Variants in EYS observed in about 807,000 individuals in gnomAD.
EYS encodes the protein protein eyes shut homolog.
In EYS, 250 loss-of-function variants were observed where a neutral mutation model predicts 282.1. That is an observed-to-expected ratio of 0.89 (90% CI 0.80 to 0.98). The LOEUF is 0.98. EYS is among the 50% of genes least tolerant of loss of function. The pLI, the probability that EYS is intolerant of heterozygous loss-of-function variation, is 0.00. For missense variants in EYS, 4,016 were observed against 3,709.0 expected (o/e 1.08, Z -2.15); for synonymous variants, 1,355 against 1,282.9 (o/e 1.06, Z -1.20).
At chr6:64,822,502 G>T in intron 20 of EYS, 149 bp downstream of exon 20, 2 of 637,052 alleles carry the variant, frequency 3.1e-6, no homozygotes, top group South Asian at 4.7e-5. Context: ...GCTAAAACTG[G>T]CAGCATCTGT....
intron 22 of EYS, among the ~76,000 whole-genome samples, chr6:64,789,982 GTTC>G (rs1393699670): frequency 6.6e-6 from 1 of 151,540 alleles, no homozygotes; most frequent in African/African-American, 2.4e-5. Context: ...CATTAGATTT[GTTC>G]TTTTTTTTAC....
chr6:64,196,928 T>G (rs1765308906), intron 31 of EYS, among the ~76,000 whole-genome samples: 1 of 152,100 alleles, frequency 6.6e-6, no homozygotes, highest in Admixed American at 6.5e-5. Context: ...TTTGAAGTCA[T>G]TAAGAATATT....
At chr6:65,652,388 G>A (rs1767685722) in intron 1 of EYS, among the ~76,000 whole-genome samples, 1 of 151,906 alleles carries the variant, frequency 6.6e-6, no homozygotes, top group Non-Finnish European at 1.5e-5. Flanking sequence ...GAAAAATTGT[G>A]CTGAAGTTAA....
chr6:64,206,518 G>A (rs1312070276), intron 31 of EYS, among the ~76,000 whole-genome samples: 1 of 152,122 alleles, frequency 6.6e-6, no homozygotes, highest in Non-Finnish European at 1.5e-5. Flanking sequence ...GAAATTCTGT[G>A]ACTTTTGTCA....
intron 12 of EYS, among the ~76,000 whole-genome samples, chr6:65,101,881 G>C (rs749823185): frequency 2.0e-5 from 3 of 151,216 alleles, no homozygotes; most frequent in African/African-American, 7.2e-5. Context: ...ATTAGTGCTC[G>C]CTATCCAAAA....
At chr6:64,122,097 A>G (rs1773609983) in intron 31 of EYS, among the ~76,000 whole-genome samples, 1 of 152,074 alleles carries the variant, frequency 6.6e-6, no homozygotes, top group African/African-American at 2.4e-5. Context: ...GCTGTTTTCC[A>G]AATGCTGCAA....
chr6:65,268,734 G>T (rs929708356), intron 12 of EYS, among the ~76,000 whole-genome samples: 2 of 151,824 alleles, frequency 1.3e-5, no homozygotes, highest in African/African-American at 4.8e-5. Flanking sequence ...GTTTTATCTG[G>T]AAAGAAAAAC....
intron 2 of EYS, among the ~76,000 whole-genome samples, chr6:65,610,629 A>G (rs975415916): frequency 2.0e-5 from 3 of 152,084 alleles, no homozygotes; most frequent in Admixed American, 2.0e-4. Flanking sequence ...TCTGTCTCTG[A>G]CAATATTTCA....
At chr6:64,620,320 C>T (rs552440439) in intron 23 of EYS, among the ~76,000 whole-genome samples, 15 of 152,196 alleles carry the variant, frequency 9.9e-5, no homozygotes, top group Non-Finnish European at 2.1e-4. Context: ...AATGCACCTA[C>T]GCACTGAAAT....
chr6:65,501,417 T>C (rs1766445508), intron 2 of EYS, among the ~76,000 whole-genome samples: 1 of 151,954 alleles, frequency 6.6e-6, no homozygotes, highest in Non-Finnish European at 1.5e-5. Flanking sequence ...ACAGAGATAA[T>C]ATATTTTTTC....
At chr6:65,271,155 A>G (rs1392431651) in intron 12 of EYS, among the ~76,000 whole-genome samples, 2 of 20,426 alleles carry the variant, frequency 9.8e-5, no homozygotes, top group Non-Finnish European at 1.2e-4. Context: ...TATATATATG[A>G]AGATTTATTA....
At chr6:63,760,648 A>ATATCTATCTATC (rs36182718) in intron 41 of EYS, among the ~76,000 whole-genome samples, 55 of 146,006 alleles carry the variant, frequency 3.8e-4, no homozygotes, top group East Asian at 1.0e-3. Flanking sequence ...GTATGTATGT[A>ATATCTATCTATC]TATCTATCTA....
intron 35 of EYS, among the ~76,000 whole-genome samples, chr6:63,946,480 T>G (rs1419644706): frequency 2.6e-5 from 4 of 152,170 alleles, no homozygotes; most frequent in Non-Finnish European, 4.4e-5. Flanking sequence ...TAATCATTCT[T>G]TCTGGTAATC....
chr6:64,007,106 T>C (rs1768385406), intron 33 of EYS, among the ~76,000 whole-genome samples: 1 of 152,138 alleles, frequency 6.6e-6, no homozygotes, highest in African/African-American at 2.4e-5. Flanking sequence ...ATATAATTTG[T>C]CTGTGAATCT....
chr6:64,079,060 C>T (rs1263539394), intron 32 of EYS, among the ~76,000 whole-genome samples: 4 of 152,058 alleles, frequency 2.6e-5, no homozygotes, highest in Non-Finnish European at 5.9e-5. Flanking sequence ...GCTAGAAAAT[C>T]ACTTTTCTTT....
At chr6:65,129,995 T>C (rs1775825468) in intron 12 of EYS, among the ~76,000 whole-genome samples, 1 of 151,932 alleles carries the variant, frequency 6.6e-6, no homozygotes, top group Admixed American at 6.6e-5. Flanking sequence ...AAAAAAATCA[T>C]TTCATTTGCA....
chr6:65,127,286 T>C (rs1216579838), intron 12 of EYS, among the ~76,000 whole-genome samples: 1 of 152,114 alleles, frequency 6.6e-6, no homozygotes, highest in Non-Finnish European at 1.5e-5. Flanking sequence ...GGAAGAATAT[T>C]TGAATTTCTA....
intron 22 of EYS, among the ~76,000 whole-genome samples, chr6:64,706,018 CAA>C (rs34675387): frequency 0.69 from 100,525 of 146,606 alleles, 35,098 homozygotes; most frequent in Middle Eastern, 0.78. Flanking sequence ...AAAAATTATT[CAA>C]AAAAAAAAAA....
intron 31 of EYS, among the ~76,000 whole-genome samples, chr6:64,194,759 A>G (rs181914669): frequency 6.6e-6 from 1 of 152,132 alleles, no homozygotes; most frequent in African/African-American, 2.4e-5. Flanking sequence ...TTGCTTATTA[A>G]TTTTACTATT....
Sources: allele counts gnomAD v4.1 joint callset (sites outside exome capture counted in the v4.1 genomes callset), GRCh38; gene constraint gnomAD v4.1.1; transcripts MANE v1.5; gene names NCBI Gene and HGNC (gene_info 2026-07-23, HGNC 2026-07-21).